Variants in ZNHIT6 observed in about 807,000 individuals in gnomAD.
ZNHIT6 encodes box C/D snoRNA protein 1.
A neutral mutation model predicts 57.2 loss-of-function variants in ZNHIT6; 45 were observed. That is an observed-to-expected ratio of 0.79 (90% CI 0.62 to 1.01). The LOEUF is 1.01. ZNHIT6 is among the 50% of genes least tolerant of loss of function. The pLI is 0.00. For missense variants in ZNHIT6, 528 were observed against 567.3 expected (o/e 0.93, Z 0.70); for synonymous variants, 188 against 190.0 (o/e 0.99, Z 0.09).
In ZNHIT6 at chr1:85,650,408, TG is replaced by T. The variant is rs1374476457; in HGVS notation, c.*3649del. 6.6e-6 allele frequency: 1 copy of T among 152,210 alleles called. No individual in the cohort carries two copies. Among genetic ancestry groups the T allele is most frequent in the Non-Finnish European group, 1.5e-5 (1 of 68,030 alleles). The allele number at this position is 152,210 out of a possible 1,614,324, so 9.4% of individuals were successfully genotyped here. A position where few individuals can be genotyped will look rare whatever the true frequency, so the allele number is the denominator to read the frequency against. ...TGGCAAGATGACTGCTTTTGACGTTTGGACCCAGGACCCAGTCATTGCCTGG... is the reference window on the plus strand; with the variant it reads ...TGGCAAGATGACTGCTTTTGACGTTTGACCCAGGACCCAGTCATTGCCTGG... On this transcript the variant is annotated 3_prime_UTR_variant, in exon 10 of 10. Coordinates refer to ENST00000370574, the MANE Select transcript of ZNHIT6 (RefSeq NM_017953.4).
intron 7 of ZNHIT6, among the ~76,000 whole-genome samples, chr1:85,677,602 A>G (rs552020944): frequency 1.3e-5 from 2 of 152,390 alleles, no homozygotes; most frequent in African/African-American, 4.8e-5. Context: ...ACTGGCAAAT[A>G]TATGACTAAT....
intron 5 of ZNHIT6, among the ~76,000 whole-genome samples, chr1:85,682,258 T>A (rs1570311390): frequency 1.3e-5 from 2 of 150,522 alleles, no homozygotes; most frequent in South Asian, 4.2e-4. Flanking sequence ...TCTCCTGACC[T>A]CGTGATCCAC....
chr1:85,688,138 A>C (rs949043164), intron 5 of ZNHIT6, among the ~76,000 whole-genome samples: 2 of 152,190 alleles, frequency 1.3e-5, no homozygotes, highest in Non-Finnish European at 2.9e-5. Context: ...AAATAACAAT[A>C]GTTTGTTTTA....
rs146048670 is a variant in ZNHIT6, at chr1:85,708,316, C to G, written c.-32G>C. On this transcript the variant is annotated 5_prime_UTR_variant, in exon 1 of 10. Coordinates refer to ENST00000370574, the MANE Select transcript of ZNHIT6 (RefSeq NM_017953.4). Reference sequence around the variant, plus strand: ...ACGATCCTTGGCCTCTGCTGCCACTCTATCCTTCAATGTGGCTGCTGCACA... The same window carrying G: ...ACGATCCTTGGCCTCTGCTGCCACTGTATCCTTCAATGTGGCTGCTGCACA... 604 of 1,562,862 alleles carry G rather than the reference C, an allele frequency of 3.9e-4. 1 individual carries two copies. In the East Asian group the frequency reaches 0.013, roughly 34 times the overall value.
At chr1:85,672,637 T>A (rs968576228) in intron 8 of ZNHIT6, among the ~76,000 whole-genome samples, 1 of 152,194 alleles carries the variant, frequency 6.6e-6, no homozygotes, top group African/African-American at 2.4e-5. Context: ...TTTCTTATGA[T>A]ATATACAGTG....
chr1:85,704,888 G>A (rs1371578984), intron 4 of ZNHIT6, among the ~76,000 whole-genome samples: 2 of 152,122 alleles, frequency 1.3e-5, no homozygotes, highest in African/African-American at 4.8e-5. Flanking sequence ...AAATATGTAA[G>A]CTTTAATTTT....
At chr1:85,664,286 A>G (rs1661305312) in intron 8 of ZNHIT6, among the ~76,000 whole-genome samples, 1 of 152,092 alleles carries the variant, frequency 6.6e-6, no homozygotes, top group Non-Finnish European at 1.5e-5. Context: ...GCTTTATTTC[A>G]GAGAACCCAT....
intron 5 of ZNHIT6, among the ~76,000 whole-genome samples, chr1:85,692,500 C>T (rs972574131): frequency 1.3e-5 from 2 of 152,112 alleles, no homozygotes; most frequent in African/African-American, 4.8e-5. Flanking sequence ...CAAACCATAT[C>T]AAAGCTATTA....
chr1:85,685,307 A>G (rs924981647), intron 5 of ZNHIT6, among the ~76,000 whole-genome samples: 1 of 152,220 alleles, frequency 6.6e-6, no homozygotes, highest in African/African-American at 2.4e-5. Flanking sequence ...CAGAAAGTTG[A>G]TTAAATAAAT....
rs555249103 is a variant in ZNHIT6 at position 85,664,561 on chromosome 1, A to C, written c.1248-6590T>G. ...AGAAAACCAAATGCCACATGTTCTC[A>C]CTTATAAGTGGGAGCTAAATGATGA... On this transcript the variant is annotated intron_variant, in intron 8 of 9. Coordinates refer to ENST00000370574, the MANE Select transcript of ZNHIT6 (RefSeq NM_017953.4). Among the ~76,000 whole-genome samples, 9 of 152,198 alleles carry C rather than the reference A, an allele frequency of 5.9e-5. No homozygotes were observed. In the East Asian group the frequency reaches 1.7e-3, roughly 29 times the overall value.
At chr1:85,701,655 C>T (rs1662531376) in intron 5 of ZNHIT6, among the ~76,000 whole-genome samples, 1 of 152,180 alleles carries the variant, frequency 6.6e-6, no homozygotes, top group Admixed American at 6.5e-5. Context: ...TAAAACAGTA[C>T]AGGCGTCCTG....
At position 85,705,804 on chromosome 1, in the gene ZNHIT6, A is replaced by T. The variant is rs571841179; in HGVS notation, c.915+274T>A. On this transcript the variant is annotated intron_variant, in intron 4 of 9. Coordinates refer to ENST00000370574, the MANE Select transcript of ZNHIT6 (RefSeq NM_017953.4). ...TCTCTCCCCAACAAAGACCATTTTC[A>T]TTCTCTCTTTAATCTCTTGAGCCTT... is the stretch of plus-strand genomic sequence containing the variant. 2.6e-5 allele frequency among the ~76,000 whole-genome samples: 4 copies of T among 152,254 alleles called. No homozygotes were observed. In the East Asian group the frequency reaches 7.7e-4, roughly 29 times the overall value.
At position 85,678,758 on chromosome 1, in the gene ZNHIT6, TTAA is replaced by T. The variant is rs1661778624; in HGVS notation, c.1109_1111del (p.Ile370del). ...ATCAATGTAAGGTTTTAGGATTTCA[TTAA>T]TAGTTTTATCATCTGGTACTCTTTA... On this transcript the variant is annotated inframe_deletion, in exon 7 of 10. Coordinates refer to ENST00000370574, the MANE Select transcript of ZNHIT6 (RefSeq NM_017953.4). 2 of 1,584,374 alleles carry T rather than the reference TTAA, an allele frequency of 1.3e-6. No homozygotes were observed. Among genetic ancestry groups the T allele is most frequent in the Non-Finnish European group, 1.7e-6 (2 of 1,163,536 alleles).
At position 85,702,191 on chromosome 1, in the gene ZNHIT6, TGG is replaced by T; in HGVS notation, c.983_984del (p.Thr328LysfsTer10). ...INLKLLPNGF[T>X]KRKENSTFFD... is the part of the protein sequence containing the mutation. ...AAAAAGGTTGAATTCTCCTTCCTCTTGGTGAATCCATTGGGTAGAAGTTTTAA... is the reference window on the plus strand; with the variant it reads ...AAAAAGGTTGAATTCTCCTTCCTCTTTGAATCCATTGGGTAGAAGTTTTAA... On this transcript the variant is annotated frameshift_variant, in exon 5 of 10. Coordinates refer to ENST00000370574, the MANE Select transcript of ZNHIT6 (RefSeq NM_017953.4). LOFTEE classifies it high-confidence loss of function. 6.2e-7 allele frequency: 1 copy of T among 1,610,904 alleles called. No homozygotes were observed. Among genetic ancestry groups the T allele is most frequent in the African/African-American group, 1.3e-5 (1 of 74,794 alleles).
chr1:85,705,265 G>A (rs1053796341), intron 4 of ZNHIT6, among the ~76,000 whole-genome samples: 4 of 152,124 alleles, frequency 2.6e-5, no homozygotes, highest in African/African-American at 9.6e-5. Flanking sequence ...CCAGGCTGGA[G>A]TGTAGTGGCG....
At chr1:85,697,732 C>T (rs370541456) in intron 5 of ZNHIT6, among the ~76,000 whole-genome samples, 1 of 152,078 alleles carries the variant, frequency 6.6e-6, no homozygotes, top group East Asian at 1.9e-4. Context: ...TAATAAATAA[C>T]AACAAACAAA....
chr1:85,684,610 T>C (rs566469825), intron 5 of ZNHIT6, among the ~76,000 whole-genome samples: 1 of 152,294 alleles, frequency 6.6e-6, no homozygotes, highest in East Asian at 1.9e-4. Flanking sequence ...AAAATAAATA[T>C]TTTATACTCA....
At chr1:85,677,137 A>T in intron 8 of ZNHIT6, 99 bp downstream of exon 8, 1 of 813,774 alleles carries the variant, frequency 1.2e-6, no homozygotes, top group Non-Finnish European at 1.9e-6. Flanking sequence ...TCATGTTCAT[A>T]GCTAGATAAT....
intron 8 of ZNHIT6, among the ~76,000 whole-genome samples, chr1:85,675,619 G>C (rs1661677729): frequency 6.6e-6 from 1 of 151,984 alleles, no homozygotes; most frequent in Non-Finnish European, 1.5e-5. Context: ...CTAACAAGAG[G>C]GTCAGTCCAT....
Sources: allele counts gnomAD v4.1 joint callset (sites outside exome capture counted in the v4.1 genomes callset), GRCh38; gene constraint gnomAD v4.1.1; transcripts MANE v1.5; gene names NCBI Gene and HGNC (gene_info 2026-07-23, HGNC 2026-07-21).